The following SPAST variants were observed in gnomAD, a reference collection of about 807,000 sequenced individuals.
SPAST encodes spastic paraplegia 4 (autosomal dominant; spastin).
In SPAST, 30 loss-of-function variants were observed where a neutral mutation model predicts 76.6. The ratio of observed to expected loss-of-function variants is 0.39; its 90% CI spans 0.29 to 0.53. SPAST has a LOEUF of 0.53. SPAST is among the 20% of genes least tolerant of loss of function. SPAST has a pLI of 0.68. For missense variants in SPAST, 717 were observed against 770.5 expected, an observed-to-expected ratio of 0.93 and a Z score of 0.82; for synonymous variants, 305 against 281.0, an observed-to-expected ratio of 1.09 and a Z score of -0.86.
intron 4 of SPAST, among the ~76,000 whole-genome samples, chr2:32,109,784 A>G (rs13431540): frequency 0.48 from 71,066 of 147,582 alleles, 17,385 homozygotes; most frequent in Admixed American, 0.52. Context: ...GTATATGCAC[A>G]TACATATATA....
At chr2:32,142,870 C>T (rs3851309) in intron 13 of SPAST, among the ~76,000 whole-genome samples, 6,738 of 152,214 alleles carry the variant, frequency 0.044, 173 homozygotes, top group Middle Eastern at 0.095. Context: ...TATATACTTA[C>T]AATGGGTGAA....
intron 3 of SPAST, among the ~76,000 whole-genome samples, chr2:32,089,835 C>G (rs1200862357): frequency 6.6e-6 from 1 of 152,006 alleles, no homozygotes; most frequent in South Asian, 2.1e-4. Context: ...GTGATCTTGG[C>G]TCACTGCAAG....
intron 1 of SPAST, among the ~76,000 whole-genome samples, chr2:32,072,785 A>G (rs189613445): frequency 2.0e-5 from 3 of 152,318 alleles, no homozygotes; most frequent in African/African-American, 7.2e-5. Flanking sequence ...CAGATTTGGT[A>G]ATTTTCTTAC....
intron 5 of SPAST, among the ~76,000 whole-genome samples, 159 bp downstream of exon 5, chr2:32,114,984 T>C (rs1678772357): frequency 6.6e-6 from 1 of 151,280 alleles, no homozygotes; most frequent in Non-Finnish European, 1.5e-5. Context: ...TTGAGACTCT[T>C]GTTTTCCAGG....
intron 7 of SPAST, among the ~76,000 whole-genome samples, chr2:32,116,706 A>G (rs1171712573): frequency 6.6e-6 from 1 of 152,238 alleles, no homozygotes; most frequent in Non-Finnish European, 1.5e-5. Flanking sequence ...ATGTCAAGTT[A>G]TCCACCCATT....
rs1255537108 is a variant in SPAST at position 32,115,834 on chromosome 2, A to G, written c.1003A>G (p.Asn335Asp). ...ANLIMNEIVD[N>D]GTAVKFDDIA... ...CCTTATAATGAATGAAATTGTGGAC[A>G]AGTAAGTTTTGCCATCTAAATGTTT... Residue 335 changes from asparagine (N) to aspartate (D), a missense_variant and splice_region_variant, in exon 6 of 17, where the codon AAT becomes GAT. Asn to Asp is a conservative substitution (Grantham distance 23). This residue lies in a region of SPAST where 543 missense variants were observed against 445.2 expected (regional missense o/e 1.22). Coordinates refer to ENST00000315285, the MANE Select transcript of SPAST (RefSeq NM_014946.4). The G allele has an allele frequency of 6.2e-7, 1 of 1,606,978 alleles. No individual in the cohort carries two copies. The highest frequency in any genetic ancestry group is 2.2e-5 in the East Asian group (1 of 44,602).
At chr2:32,098,739 C>G (rs555526430) in intron 3 of SPAST, 57 bp from the exon 4 acceptor site, 12 of 1,128,148 alleles carry the variant, frequency 1.1e-5, no homozygotes, top group Admixed American at 6.9e-5. Flanking sequence ...TTTATTTGTT[C>G]ATTATCTTTT....
intron 3 of SPAST, among the ~76,000 whole-genome samples, chr2:32,091,210 G>A (rs1218166632): frequency 1.3e-5 from 2 of 149,366 alleles, no homozygotes; most frequent in East Asian, 2.0e-4. Flanking sequence ...TATTTTGCAT[G>A]TCTGGGTCTT....
At chr2:32,141,827 A>C (rs945051427) in intron 12 of SPAST, 77 bp from the exon 13 acceptor site, 1 of 1,150,326 alleles carries the variant, frequency 8.7e-7, no homozygotes, top group African/African-American at 1.5e-5. Flanking sequence ...TATATTTTAA[A>C]AGCTTTTCCT....
Position 32,154,603 on chromosome 2 carries a change from T to A in SPAST, c.*107T>A. ...AACAGCCTAAGTTTACAGGACTTTT[T>A]AGAGTCTTACATATTTGTGCACCAA... On this transcript the variant is annotated 3_prime_UTR_variant, in exon 17 of 17. Coordinates refer to ENST00000315285, the MANE Select transcript of SPAST (RefSeq NM_014946.4). 8.7e-7 allele frequency: 1 copy of A among 1,143,392 alleles called. No homozygotes were observed. Among genetic ancestry groups the A allele is most frequent in the East Asian group, 2.4e-5 (1 of 42,110 alleles). 70.8% of individuals were successfully genotyped at this position (1,143,392 alleles called of 1,614,324 possible).
chr2:32,078,986 T>C (rs544581425), intron 1 of SPAST, among the ~76,000 whole-genome samples: 1 of 152,162 alleles, frequency 6.6e-6, no homozygotes, highest in African/African-American at 2.4e-5. Context: ...TACAGGTACA[T>C]GTCACCACGC....
chr2:32,142,488 C>T (rs1447065833), intron 13 of SPAST, among the ~76,000 whole-genome samples: 1 of 152,048 alleles, frequency 6.6e-6, no homozygotes, highest in East Asian at 1.9e-4. Flanking sequence ...GATCTCGGCT[C>T]ACTGCAACCT....
intron 3 of SPAST, among the ~76,000 whole-genome samples, chr2:32,092,895 T>C (rs973203535): frequency 6.6e-6 from 1 of 151,794 alleles, no homozygotes; most frequent in African/African-American, 2.4e-5. Context: ...TAATCCCAGC[T>C]ACTCAGGAGG....
Position 32,070,460 on chromosome 2 carries a change from G to C in SPAST, c.415+6214G>C, listed in dbSNP as rs541070026. Among the ~76,000 whole-genome samples the C allele has an allele frequency of 2.0e-5, 3 of 152,270 alleles. No homozygotes were observed. In the East Asian group the frequency reaches 5.8e-4, roughly 29 times the overall value. On this transcript the variant is annotated intron_variant, in intron 1 of 16. Transcript: ENST00000315285. ...GAGGAATAGCACAGCAAATTCTGTT[G>C]ACTTAATGAGAGGATATGTGAAGTC...
chr2:32,113,814 A>G (rs564169876), intron 4 of SPAST, among the ~76,000 whole-genome samples: 2 of 151,556 alleles, frequency 1.3e-5, no homozygotes, highest in Admixed American at 6.6e-5. Flanking sequence ...TGATCCGTCC[A>G]CCTCGATCTC....
At chr2:32,069,733 T>G (rs540155933) in intron 1 of SPAST, among the ~76,000 whole-genome samples, 3 of 151,992 alleles carry the variant, frequency 2.0e-5, no homozygotes, top group Non-Finnish European at 4.4e-5. Flanking sequence ...ATTTTTTTTG[T>G]ATTTTTTAGT....
At chr2:32,085,623 C>G (rs916084276) in intron 1 of SPAST, among the ~76,000 whole-genome samples, 1 of 152,022 alleles carries the variant, frequency 6.6e-6, no homozygotes, top group Admixed American at 6.6e-5. Flanking sequence ...AGAAATTGAC[C>G]TGTTTAAGGG....
chr2:32,064,353 C>A, intron 1 of SPAST, 107 bp downstream of exon 1: 3 of 1,071,236 alleles, frequency 2.8e-6, no homozygotes, highest in South Asian at 2.9e-5. Flanking sequence ...GGACGGTGCA[C>A]CCCCGGAATT....
At chr2:32,094,953 A>C (rs536995571) in intron 3 of SPAST, among the ~76,000 whole-genome samples, 1 of 152,240 alleles carries the variant, frequency 6.6e-6, no homozygotes, top group East Asian at 1.9e-4. Context: ...TGGGCAACAA[A>C]GCGAGACTCC....
Sources: gnomAD v4.1 joint callset for allele counts (sites outside exome capture counted in the v4.1 genomes callset) on GRCh38, gnomAD v4.1.1 for gene constraint, gnomAD v4.1.1 regional missense constraint, MANE v1.5 for transcripts, NCBI Gene and HGNC (gene_info 2026-07-23, HGNC 2026-07-21) for gene names.